The following DNAH11 variants were observed in gnomAD, a reference collection of about 807,000 sequenced individuals.
DNAH11 encodes axonemal beta dynein heavy chain 11.
A neutral mutation model predicts 526.0 loss-of-function variants in DNAH11; 442 were observed. The ratio of observed to expected loss-of-function variants is 0.84; its 90% CI spans 0.78 to 0.91. DNAH11 has a LOEUF of 0.91. Ranked by LOEUF, DNAH11 falls within the 40% of genes least tolerant of loss-of-function variation. The pLI is 0.00. For synonymous variants in DNAH11, 2,461 were observed against 1,935.9 expected (o/e 1.27, Z -7.12); for missense variants, 6,989 against 5,448.7 (o/e 1.28, Z -8.90).
intron 42 of DNAH11, among the ~76,000 whole-genome samples, chr7:21,713,100 A>G (rs1048389199): frequency 2.0e-5 from 3 of 152,188 alleles, no homozygotes; most frequent in African/African-American, 7.2e-5. Context: ...TACTCCTCAA[A>G]TGCTTACATT....
At chr7:21,817,810 G>T (rs1050661327) in intron 64 of DNAH11, among the ~76,000 whole-genome samples, 4 of 150,052 alleles carry the variant, frequency 2.7e-5, no homozygotes, top group Admixed American at 1.3e-4. Context: ...CATTTTAAGT[G>T]ACTAAATGTA....
In DNAH11 at chr7:21,681,454, C is replaced by G. The variant is rs973371503; in HGVS notation, c.5329-92C>G. ...AAAAAAAAAGAAATTGTTTTGCAAA[C>G]TAAATCAGCCTTTACAAATACGAAG... On this transcript the variant is annotated intron_variant, in intron 30 of 81. Coordinates refer to ENST00000409508, the MANE Select transcript of DNAH11 (RefSeq NM_001277115.2). 18 of 1,334,904 alleles carry G rather than the reference C, an allele frequency of 1.3e-5. No homozygotes were observed. In the African/African-American group the frequency reaches 2.3e-4, roughly 17 times the overall value. The allele number at this position is 1,334,904 out of a possible 1,614,324, so 82.7% of individuals were successfully genotyped here.
At chr7:21,735,423 A>G (rs1475414254) in intron 45 of DNAH11, among the ~76,000 whole-genome samples, 3 of 152,188 alleles carry the variant, frequency 2.0e-5, no homozygotes, top group Admixed American at 6.5e-5. Flanking sequence ...GCATTATCCA[A>G]TTGCTCTCCT....
At chr7:21,723,870 C>T (rs1446219033) in intron 44 of DNAH11, among the ~76,000 whole-genome samples, 1 of 152,046 alleles carries the variant, frequency 6.6e-6, no homozygotes, top group Admixed American at 6.6e-5. Context: ...CCTGAACATC[C>T]AATTAAAATA....
Position 21,735,717 on chromosome 7 carries a change from A to C in DNAH11, c.7518A>C (p.Leu2506=), listed in dbSNP as rs752100705. The C allele has an allele frequency of 2.5e-6, 4 of 1,613,950 alleles. No homozygotes were observed. Residue 2506 remains leucine (L), a synonymous_variant, in exon 46 of 82, where the codon CTA becomes CTC. Coordinates refer to ENST00000409508, the MANE Select transcript of DNAH11 (RefSeq NM_001277115.2). ...MELLLEKGKP[L]MLVGNAGVGK... ...TGTTGCTTGAGAAAGGAAAACCTCT[A>C]ATGCTAGTAGGAAATGCAGGAGTGG...
intron 65 of DNAH11, among the ~76,000 whole-genome samples, chr7:21,836,637 C>T (rs992795599): frequency 6.6e-6 from 1 of 152,042 alleles, no homozygotes; most frequent in East Asian, 1.9e-4. Context: ...AACTATAAAA[C>T]TACTAGAAGA....
At chr7:21,793,206 T>C (rs970414926) in intron 61 of DNAH11, among the ~76,000 whole-genome samples, 53 of 152,258 alleles carry the variant, frequency 3.5e-4, no homozygotes, top group African/African-American at 1.3e-3. Context: ...TTTCTAGTTT[T>C]ATTCCATTGT....
rs368833424 is a variant in DNAH11 at position 21,742,158 on chromosome 7, G to A, written c.8146G>A (p.Val2716Ile). The change falls in exon 49 of 82, where the codon GTC (valine) becomes ATC (isoleucine). Residue 2716 changes from valine (V) to isoleucine (I), a missense_variant. Physicochemically the swap from Val to Ile is conservative, Grantham distance 29 (BLOSUM62 3). Transcript: ENST00000409508. ...CTTTAATCTGAGAGATTTATCAAAC[G>A]TCTTCCAGGTACCTTGACTGCTCTA... ...YIFNLRDLSNVFQGILFASPE... is the reference protein window; with the variant it reads ...YIFNLRDLSNIFQGILFASPE... The A allele has an allele frequency of 1.5e-5, 25 of 1,613,472 alleles. No homozygotes were observed. The highest frequency in any genetic ancestry group is 3.3e-4 in the Middle Eastern group (2 of 6,080).
chr7:21,688,285 G>A (rs1472570685), intron 34 of DNAH11, among the ~76,000 whole-genome samples: 1 of 152,122 alleles, frequency 6.6e-6, no homozygotes, highest in Non-Finnish European at 1.5e-5. Context: ...AAGAGTACCT[G>A]CCTTATAGAC....
intron 74 of DNAH11, among the ~76,000 whole-genome samples, chr7:21,875,164 A>G (rs1305797914): frequency 2.0e-5 from 3 of 152,182 alleles, no homozygotes; most frequent in African/African-American, 7.2e-5. Context: ...TTTTGAAACT[A>G]TTAAGTATCT....
intron 34 of DNAH11, among the ~76,000 whole-genome samples, chr7:21,689,940 G>A (rs879272395): frequency 1.3e-5 from 2 of 152,136 alleles, no homozygotes; most frequent in African/African-American, 4.8e-5. Context: ...CTGGCCAGCA[G>A]CAACCCACTT....
At chr7:21,646,087 AAAAC>A (rs1562725126) in intron 28 of DNAH11, among the ~76,000 whole-genome samples, 1 of 152,226 alleles carries the variant, frequency 6.6e-6, no homozygotes, top group African/African-American at 2.4e-5. Flanking sequence ...CTCCAACAAA[AAAAC>A]AAAGGCAGAT....
Position 21,704,641 on chromosome 7 carries a change from T to C in DNAH11, c.6468+13T>C, listed in dbSNP as rs776481961. The C allele has an allele frequency of 6.3e-7, 1 of 1,582,616 alleles. No individual in the cohort carries two copies. The highest frequency in any genetic ancestry group is 2.0e-5 in the Admixed American group (1 of 49,492). On this transcript the variant is annotated intron_variant, in intron 38 of 81. Transcript: ENST00000409508. ...CTTCATCCTCAAAGTAAAAGGAGCA[T>C]TTGCTTTTCATGGCAGCTGTTGGGA... is the stretch of plus-strand genomic sequence containing the variant.
intron 65 of DNAH11, among the ~76,000 whole-genome samples, chr7:21,831,566 C>A (rs1048740005): frequency 1.3e-5 from 2 of 152,110 alleles, no homozygotes; most frequent in Non-Finnish European, 2.9e-5. Context: ...AGGCAGACAT[C>A]CTTCTCCTTT....
At chr7:21,578,783 A>C (rs1049219755) in intron 8 of DNAH11, among the ~76,000 whole-genome samples, 1 of 152,200 alleles carries the variant, frequency 6.6e-6, no homozygotes, top group African/African-American at 2.4e-5. Flanking sequence ...ACCCACAGAA[A>C]CATGTGCCAA....
Position 21,711,814 on chromosome 7 carries a change from A to G in DNAH11, c.6937A>G (p.Arg2313Gly). 1 of 1,613,842 alleles carries G rather than the reference A, an allele frequency of 6.2e-7. No individual in the cohort carries two copies. Among genetic ancestry groups the G allele is most frequent in the East Asian group, 2.2e-5 (1 of 44,886 alleles). Reference protein sequence around the residue: ...LRSATPATVSRAGILYVNPQD... With the variant: ...LRSATPATVSGAGILYVNPQD... Reference sequence around the variant, plus strand: ...GAGCGCAACCCCGGCCACTGTTTCCAGAGCTGGTATTCTGTATGTGAACCC... The same window carrying G: ...GAGCGCAACCCCGGCCACTGTTTCCGGAGCTGGTATTCTGTATGTGAACCC... Residue 2313 changes from arginine (R) to glycine (G), a missense_variant, in exon 42 of 82, where the codon AGA becomes GGA. By Grantham distance (125) the Arg-to-Gly change is moderately radical (BLOSUM62 -2). Coordinates refer to ENST00000409508, the MANE Select transcript of DNAH11 (RefSeq NM_001277115.2).
rs2128442994 is a variant in DNAH11 at position 21,589,243 on chromosome 7, A to G, written c.2009A>G (p.Gln670Arg). Residue 670 changes from glutamine to arginine, a missense_variant, in exon 12 of 82, where the codon CAA becomes CGA. Physicochemically the swap from Gln to Arg is conservative, Grantham distance 43 (BLOSUM62 1). Transcript: ENST00000409508. ...LGNPDHALVY[Q>R]KYVEMTTLLD... Reference sequence around the variant, plus strand: ...AATCCTGATCACGCTTTAGTTTATCAAAAGTATGTTGAAATGACCACTTTG... The same window carrying G: ...AATCCTGATCACGCTTTAGTTTATCGAAAGTATGTTGAAATGACCACTTTG... The G allele has an allele frequency of 1.2e-6, 2 of 1,610,120 alleles. No homozygotes were observed. The highest frequency in any genetic ancestry group is 1.7e-6 in the Non-Finnish European group (2 of 1,178,862).
chr7:21,758,291 C>G (rs558648387), intron 54 of DNAH11, among the ~76,000 whole-genome samples: 4 of 152,172 alleles, frequency 2.6e-5, no homozygotes, highest in Non-Finnish European at 4.4e-5. Flanking sequence ...AAGGTGCAAC[C>G]TTGTACTCTG....
chr7:21,840,453 A>T (rs191505564), intron 65 of DNAH11, among the ~76,000 whole-genome samples: 4 of 152,182 alleles, frequency 2.6e-5, no homozygotes, highest in Non-Finnish European at 5.9e-5. Flanking sequence ...CAAAATTTTC[A>T]TATGTAAGGT....
Sources: gnomAD v4.1 joint callset for allele counts (sites outside exome capture counted in the v4.1 genomes callset) on GRCh38, gnomAD v4.1.1 for gene constraint, MANE v1.5 for transcripts, NCBI Gene and HGNC (gene_info 2026-07-23, HGNC 2026-07-21) for gene names.